The following GNB3 variants were observed in gnomAD, a reference collection of about 807,000 sequenced individuals.
GNB3 encodes guanine nucleotide-binding protein G(I)/G(S)/G(T) subunit beta-3.
In GNB3, 33 loss-of-function variants were observed where a neutral mutation model predicts 41.2. The observed-to-expected ratio is 0.80, with a 90% CI of 0.61 to 1.07. The LOEUF (loss-of-function observed/expected upper bound fraction) is 1.07, where lower values mean the gene tolerates loss of function less well. Ranked by LOEUF, GNB3 falls within the 50% of genes least tolerant of loss-of-function variation. The pLI is 0.00. For missense variants in GNB3, 409 were observed against 455.3 expected (o/e 0.90, Z 0.92); for synonymous variants, 172 against 173.4 (o/e 0.99, Z 0.06).
chr12:6,843,936 T>A lies in GNB3; in HGVS notation c.657T>A (p.Arg219=), dbSNP rs45476395. 9.5e-3 allele frequency: 15,256 copies of A among 1,613,680 alleles called. 95 individuals carry two copies. Among genetic ancestry groups the A allele is most frequent in the Non-Finnish European group, 0.012 (13,976 of 1,179,794 alleles). The change falls in exon 8 of 10, where the codon CGT becomes CGA. Residue 219 remains arginine, a synonymous_variant. Transcript: ENST00000229264. The surrounding 1 kb of genome is among the most constrained non-coding windows in gnomAD (Gnocchi z 5.9). ...GGGATGTGCGAGAGGGGACCTGCCG[T>A]CAGACTTTCACTGGCCACGAGTCGG... ...KLWDVREGTC[R]QTFTGHESDI... is the part of the protein sequence containing the mutation.
At chr12:6,846,630 C>T in intron 9 of GNB3, 162 bp from the exon 10 acceptor site, 1 of 600,512 alleles carries the variant, frequency 1.7e-6, no homozygotes, top group Non-Finnish European at 3.0e-6. Flanking sequence ...TGCACACACA[C>T]ACGTACACAC....
rs1555123800 is a variant in GNB3 at position 6,843,312 on chromosome 12, G to A, written c.268-51G>A. 1.2e-6 allele frequency: 2 copies of A among 1,611,936 alleles called. No homozygotes were observed. Among genetic ancestry groups the A allele is most frequent in the African/African-American group, 2.7e-5 (2 of 74,988 alleles). On this transcript the variant is annotated intron_variant, in intron 5 of 9. Transcript: ENST00000229264. The surrounding 1 kb of genome is among the most constrained non-coding windows in gnomAD (Gnocchi z 5.9). ...CGCCATGCCTACCCTCCTGTGCCCA[G>A]CTGGGAGCTTGGCTCCGGTCCCATC...
Position 6,845,784 on chromosome 12 carries a change from A to G in GNB3, c.898A>G (p.Met300Val), listed in dbSNP as rs1325292246. ...CTTCAACTGCAATGTCTGGGACTCC[A>G]TGAAGTCTGAGCGTGTGGGTAAGGG... ...DDFNCNVWDS[M>V]KSERVGILSG... The change falls in exon 9 of 10, where the codon ATG (methionine) becomes GTG (valine). Residue 300 changes from methionine (M) to valine (V), a missense_variant. By Grantham distance (21) the Met-to-Val change is conservative. Transcript: ENST00000229264. 1 of 1,613,688 alleles carries G rather than the reference A, an allele frequency of 6.2e-7. No individual in the cohort carries two copies. Among genetic ancestry groups the G allele is most frequent in the Admixed American group, 1.7e-5 (1 of 60,024 alleles).
chr12:6,843,499 T>C lies in GNB3; in HGVS notation c.404T>C (p.Val135Ala). 1 of 1,614,158 alleles carries C rather than the reference T, an allele frequency of 6.2e-7. No individual in the cohort carries two copies. The highest frequency in any genetic ancestry group is 8.5e-7 in the Non-Finnish European group (1 of 1,180,016). ...AAATCCCGTGAGGGCAATGTCAAGG[T>C]CAGCCGGGAGCTTTCTGCTCACACA... ...NLKSREGNVKVSRELSAHTGY... is the reference protein window; with the variant it reads ...NLKSREGNVKASRELSAHTGY... The change falls in exon 6 of 10, where the codon GTC (valine) becomes GCC (alanine). Residue 135 changes from valine (V) to alanine (A), a missense_variant. Transcript: ENST00000229264. This position sits in a 1 kb window ranked among gnomAD's most constrained non-coding sequence, Gnocchi z 5.9.
Position 6,846,788 on chromosome 12 carries a change from T to A in GNB3, c.917-4T>A. 1 of 1,562,694 alleles carries A rather than the reference T, an allele frequency of 6.4e-7. No individual in the cohort carries two copies. The highest frequency in any genetic ancestry group is 8.7e-7 in the Non-Finnish European group (1 of 1,145,550). On this transcript the variant is annotated splice_polypyrimidine_tract_variant and splice_region_variant and intron_variant, in intron 9 of 9. Coordinates refer to ENST00000229264, the MANE Select transcript of GNB3 (RefSeq NM_002075.4). The stretch of plus-strand genomic sequence containing the variant: ...ACAGGCTGACTCCTTTCCCTCTTCC[T>A]CAGGCATCCTCTCTGGCCACGATAA...
In GNB3 at chr12:6,846,632, C is replaced by T. The variant is rs12229775; in HGVS notation, c.917-160C>T. 0.023 allele frequency: 13,865 copies of T among 602,518 alleles called. 1,531 individuals are homozygous for T. The East Asian group carries it at 0.28, about 12-fold the overall frequency. The allele number at this position is 602,518 out of a possible 1,614,324, so 37.3% of individuals were successfully genotyped here. ...GCTCAAGCACACATGCACACACACA[C>T]GTACACACACCCACACATGCATACA... On this transcript the variant is annotated intron_variant, in intron 9 of 9. Coordinates refer to ENST00000229264, the MANE Select transcript of GNB3 (RefSeq NM_002075.4).
rs1943568467 is a variant in GNB3, at chr12:6,841,272, C to T, written c.-16C>T. On this transcript the variant is annotated 5_prime_UTR_variant, in exon 2 of 10. Coordinates refer to ENST00000229264, the MANE Select transcript of GNB3 (RefSeq NM_002075.4). ...GTTCCTGGCAGGAGCCAGAGTGACCCCTCGACCTGTCAGCCATGGGGGAGA... is the reference window on the plus strand; with the variant it reads ...GTTCCTGGCAGGAGCCAGAGTGACCTCTCGACCTGTCAGCCATGGGGGAGA... 3 of 1,611,190 alleles carry T rather than the reference C, an allele frequency of 1.9e-6. No individual in the cohort carries two copies. Among genetic ancestry groups the T allele is most frequent in the Non-Finnish European group, 2.5e-6 (3 of 1,178,392 alleles).
Position 6,841,283 on chromosome 12 carries a change from C to G in GNB3, c.-5C>G. 6.2e-7 allele frequency: 1 copy of G among 1,612,480 alleles called. No individual in the cohort carries two copies. The highest frequency in any genetic ancestry group is 8.5e-7 in the Non-Finnish European group (1 of 1,179,046). On this transcript the variant is annotated 5_prime_UTR_variant, in exon 2 of 10. Transcript: ENST00000229264. ...GAGCCAGAGTGACCCCTCGACCTGT[C>G]AGCCATGGGGGAGATGGAGCAACTG...
At chr12:6,845,826 C>T (rs1943683946) in intron 9 of GNB3, 24 bp downstream of exon 9, 1 of 1,551,168 alleles carries the variant, frequency 6.4e-7, no homozygotes, top group African/African-American at 1.4e-5. Flanking sequence ...CTGGCTGCTG[C>T]TTCCTCAGCT....
In GNB3 at chr12:6,843,563, C is replaced by T; in HGVS notation, c.430+38C>T. On this transcript the variant is annotated intron_variant, in intron 6 of 9. Coordinates refer to ENST00000229264, the MANE Select transcript of GNB3 (RefSeq NM_002075.4). The surrounding 1 kb of genome is among the most constrained non-coding windows in gnomAD (Gnocchi z 5.9). The stretch of plus-strand genomic sequence containing the variant: ...CCCTCTCCTCCCCTCCTGAGGGGTT[C>T]AGGGAACCCTGGGCTTCCAGTGGGC... The T allele has an allele frequency of 6.2e-7, 1 of 1,611,628 alleles. No homozygotes were observed. The highest frequency in any genetic ancestry group is 1.7e-5 in the Admixed American group (1 of 60,026).
rs986862060 is a variant in GNB3, at chr12:6,847,227, C to T, written c.*329C>T. Reference sequence around the variant, plus strand: ...AGGCCCCAGGCCCTAGGATTCCTCCCCCAGAGCCACTACCTTTGTCCAGGC... The same window carrying T: ...AGGCCCCAGGCCCTAGGATTCCTCCTCCAGAGCCACTACCTTTGTCCAGGC... On this transcript the variant is annotated 3_prime_UTR_variant, in exon 10 of 10. Coordinates refer to ENST00000229264, the MANE Select transcript of GNB3 (RefSeq NM_002075.4). 1 of 330,242 alleles carries T rather than the reference C, an allele frequency of 3.0e-6. No individual in the cohort carries two copies. Among genetic ancestry groups the T allele is most frequent in the Non-Finnish European group, 5.7e-6 (1 of 174,880 alleles). 20.5% of individuals were successfully genotyped at this position (330,242 alleles called of 1,614,324 possible).
At position 6,845,738 on chromosome 12, in the gene GNB3, A is replaced by G. The variant is rs782316014; in HGVS notation, c.852A>G (p.Leu284=). Residue 284 remains leucine, a synonymous_variant, in exon 9 of 10, where the codon CTA becomes CTG. Transcript: ENST00000229264. ...TGGCCTTCTCCCTCAGTGGCCGCCT[A>G]CTATTCGCTGGCTACGACGACTTCA... The part of the protein sequence containing the change: ...TSVAFSLSGR[L]LFAGYDDFNC... 265 of 1,614,066 alleles carry G rather than the reference A, an allele frequency of 1.6e-4. 4 individuals carry two copies. The South Asian group carries it at 2.8e-3, about 17-fold the overall frequency.
rs1024042787 is a variant in GNB3 at position 6,840,960 on chromosome 12, G to A, written c.-104G>A. ...GGGCAGGTGACGGGCGGGCGCGGGCGTCGCAGCTGAGGGAGTAAGGAGGCT... is the reference window on the plus strand; with the variant it reads ...GGGCAGGTGACGGGCGGGCGCGGGCATCGCAGCTGAGGGAGTAAGGAGGCT... On this transcript the variant is annotated 5_prime_UTR_variant, in exon 1 of 10. Coordinates refer to ENST00000229264, the MANE Select transcript of GNB3 (RefSeq NM_002075.4). The A allele has an allele frequency of 4.0e-5, 16 of 397,606 alleles. No individual in the cohort carries two copies. The highest frequency in any genetic ancestry group is 1.3e-4 in the African/African-American group (6 of 47,002). The allele number at this position is 397,606 out of a possible 1,614,324, so 24.6% of individuals were successfully genotyped here.
At chr12:6,842,588 G>A (rs782606591) in intron 3 of GNB3, among the ~76,000 whole-genome samples, 3 of 152,196 alleles carry the variant, frequency 2.0e-5, no homozygotes, top group African/African-American at 2.4e-5. Context: ...GTGCTGCAGC[G>A]GTGGGTGCAA....
chr12:6,842,286 C>T (rs906338207), intron 3 of GNB3, among the ~76,000 whole-genome samples: 10 of 152,140 alleles, frequency 6.6e-5, no homozygotes, highest in Admixed American at 4.6e-4. Context: ...CAGTGGTTCA[C>T]GCCTGTAATC....
intron 9 of GNB3, 78 bp from the exon 10 acceptor site, chr12:6,846,714 C>G: frequency 1.3e-6 from 1 of 771,292 alleles, no homozygotes; most frequent in Non-Finnish European, 2.2e-6. Context: ...CACACCCACA[C>G]ATACACTTAC....
chr12:6,846,517 C>A, intron 9 of GNB3: 1 of 343,116 alleles, frequency 2.9e-6, no homozygotes, highest in Non-Finnish European at 5.4e-6. Flanking sequence ...ACAGAGAACC[C>A]CCTGCCCTAC....
chr12:6,846,020 G>A (rs1360412655), intron 9 of GNB3: 3 of 561,272 alleles, frequency 5.3e-6, no homozygotes, highest in Non-Finnish European at 9.6e-6. Context: ...ACTGCCCAAT[G>A]CCATGACTGC....
Position 6,841,294 on chromosome 12 carries a change from G to C in GNB3, c.7G>C (p.Glu3Gln). The part of the protein sequence containing the change: MG[E>Q]MEQLRQEAEQ... ...ACCCCTCGACCTGTCAGCCATGGGG[G>C]AGATGGAGCAACTGCGTCAGGAAGC... is the stretch of plus-strand genomic sequence containing the variant. The change falls in exon 2 of 10, where the codon GAG becomes CAG. Residue 3 changes from glutamate to glutamine, a missense_variant. Physicochemically the swap from Glu to Gln is conservative, Grantham distance 29. Transcript: ENST00000229264. 1 of 1,613,344 alleles carries C rather than the reference G, an allele frequency of 6.2e-7. No homozygotes were observed.
Sources: gnomAD v4.1 joint callset for allele counts (sites outside exome capture counted in the v4.1 genomes callset) on GRCh38, gnomAD v4.1.1 for gene constraint, Gnocchi (gnomAD v3.1) non-coding constraint, MANE v1.5 for transcripts, NCBI Gene and HGNC (gene_info 2026-07-23, HGNC 2026-07-21) for gene names.